The following DLG2 variants were observed in gnomAD, a reference collection of about 807,000 sequenced individuals.
DLG2 encodes disks large homolog 2.
A neutral mutation model predicts 132.5 loss-of-function variants in DLG2; 45 were observed. That is an observed-to-expected ratio of 0.34 (90% CI 0.27 to 0.44). The LOEUF (loss-of-function observed/expected upper bound fraction) is 0.44. Ranked by LOEUF, DLG2 falls within the 20% of genes least tolerant of loss-of-function variation. DLG2 has a pLI of 1.00. For synonymous variants in DLG2, 424 were observed against 419.6 expected, an observed-to-expected ratio of 1.01 and a Z score of -0.13; for missense variants, 1,045 against 1,196.9, an observed-to-expected ratio of 0.87 and a Z score of 1.87.
At chr11:83,771,884 T>C (rs1302997619) in intron 18 of DLG2, among the ~76,000 whole-genome samples, 2 of 152,234 alleles carry the variant, frequency 1.3e-5, no homozygotes, top group Admixed American at 6.5e-5. Flanking sequence ...AAGATGTCTA[T>C]GATATGAAAC....
At chr11:84,787,775 G>A (rs17741077) in intron 6 of DLG2, among the ~76,000 whole-genome samples, 41,621 of 151,786 alleles carry the variant, frequency 0.27, 6,261 homozygotes, top group Middle Eastern at 0.32. Flanking sequence ...TAAACTAGTG[G>A]TTCATACAAA....
intron 8 of DLG2, among the ~76,000 whole-genome samples, chr11:84,196,649 C>T (rs2154295496): frequency 6.6e-6 from 1 of 152,088 alleles, no homozygotes; most frequent in Middle Eastern, 3.4e-3. Flanking sequence ...GTATATGTGC[C>T]AGTATAATTT....
intron 8 of DLG2, among the ~76,000 whole-genome samples, chr11:84,170,319 T>C (rs138538286): frequency 1.4e-3 from 217 of 152,324 alleles, no homozygotes; most frequent in African/African-American, 5.0e-3. Flanking sequence ...AATTAAAACA[T>C]CAATTAAATA....
intron 6 of DLG2, among the ~76,000 whole-genome samples, chr11:84,693,203 A>G (rs1355844018): frequency 2.0e-5 from 3 of 151,848 alleles, no homozygotes; most frequent in Non-Finnish European, 2.9e-5. Flanking sequence ...TGATGTGGAA[A>G]GTAAGACCAC....
rs180789779 is a variant in DLG2 at position 85,153,054 on chromosome 11, C to T, written c.282+1502G>A. On this transcript the variant is annotated intron_variant, in intron 5 of 27. Coordinates refer to ENST00000376104, the MANE Select transcript of DLG2 (RefSeq NM_001142699.3). Reference sequence around the variant, plus strand: ...ACATCTAGAGCATTTACCTATCAATCCTTTCATATATAACTATCCCATTTC... The same window carrying T: ...ACATCTAGAGCATTTACCTATCAATTCTTTCATATATAACTATCCCATTTC... Among the ~76,000 whole-genome samples the T allele has an allele frequency of 1.9e-3, 292 of 152,244 alleles. 1 individual carries two copies. Among genetic ancestry groups the T allele is most frequent in the Non-Finnish European group, 2.8e-3 (188 of 67,996 alleles).
chr11:84,591,673 A>T (rs960650079), intron 6 of DLG2, among the ~76,000 whole-genome samples: 1 of 151,902 alleles, frequency 6.6e-6, no homozygotes, highest in African/African-American at 2.4e-5. Context: ...AAAAATTAAA[A>T]AAATAAAAAT....
rs551075653 is a variant in DLG2 at position 85,459,208 on chromosome 11, G to C, written c.40+139449C>G. 2.0e-5 allele frequency among the ~76,000 whole-genome samples: 3 copies of C among 152,300 alleles called. No individual in the cohort carries two copies. In the East Asian group the frequency reaches 5.8e-4, roughly 29 times the overall value. On this transcript the variant is annotated intron_variant, in intron 3 of 27. Coordinates refer to ENST00000376104, the MANE Select transcript of DLG2 (RefSeq NM_001142699.3). Reference sequence around the variant, plus strand: ...CTACCACTGCAGTGGCAGTAGCAGAGGGCCTTTTGGTTGACTTCAGGAGCT... The same window carrying C: ...CTACCACTGCAGTGGCAGTAGCAGACGGCCTTTTGGTTGACTTCAGGAGCT...
intron 22 of DLG2, among the ~76,000 whole-genome samples, chr11:83,481,171 T>A (rs891400747): frequency 1.3e-5 from 2 of 151,836 alleles, no homozygotes; most frequent in Admixed American, 6.6e-5. Flanking sequence ...ATGTTTTTTT[T>A]AAATTCATGC....
At chr11:85,099,922 G>A (rs910836007) in intron 6 of DLG2, among the ~76,000 whole-genome samples, 4 of 152,082 alleles carry the variant, frequency 2.6e-5, no homozygotes, top group East Asian at 1.9e-4. Flanking sequence ...AATCACTTGC[G>A]CTTCTAAAGG....
chr11:83,514,623 T>A (rs527545471), intron 21 of DLG2, among the ~76,000 whole-genome samples: 22 of 152,334 alleles, frequency 1.4e-4, no homozygotes, highest in African/African-American at 4.6e-4. Context: ...TCAAAGGGAA[T>A]GCTTCCAGTT....
At chr11:85,505,862 G>T (rs1266992561) in intron 3 of DLG2, among the ~76,000 whole-genome samples, 1 of 152,096 alleles carries the variant, frequency 6.6e-6, no homozygotes, top group Non-Finnish European at 1.5e-5. Flanking sequence ...ACTTTTTGTG[G>T]TTGGTAGGCT....
chr11:83,790,279 A>C, intron 17 of DLG2: 1 of 930,610 alleles, frequency 1.1e-6, no homozygotes, highest in Non-Finnish European at 1.8e-6. Flanking sequence ...TTGAGTGCCC[A>C]AGTCTAGTGT....
intron 15 of DLG2, among the ~76,000 whole-genome samples, chr11:83,908,265 T>C (rs908218350): frequency 1.1e-4 from 16 of 152,164 alleles, no homozygotes; most frequent in South Asian, 4.1e-4. Flanking sequence ...AGTTCATAGA[T>C]GCCTTCTCAT....
intron 18 of DLG2, among the ~76,000 whole-genome samples, chr11:83,663,153 A>T (rs2074747131): frequency 6.6e-6 from 1 of 152,236 alleles, no homozygotes; most frequent in Admixed American, 6.5e-5. Context: ...ATAATTGAGT[A>T]AACAACCCAT....
chr11:84,255,153 T>C (rs2097446584), intron 7 of DLG2, among the ~76,000 whole-genome samples: 1 of 152,174 alleles, frequency 6.6e-6, no homozygotes. Context: ...CAAATCTTCC[T>C]TTAGCTCATC....
intron 9 of DLG2, among the ~76,000 whole-genome samples, chr11:84,142,030 A>C (rs1210498761): frequency 7.2e-5 from 11 of 152,172 alleles, no homozygotes; most frequent in African/African-American, 2.6e-4. Flanking sequence ...CTGGCCGGGC[A>C]TGATGGCTCA....
intron 4 of DLG2, among the ~76,000 whole-genome samples, chr11:85,200,563 A>C (rs2081386078): frequency 1.3e-5 from 2 of 152,068 alleles, no homozygotes; most frequent in Admixed American, 1.3e-4. Flanking sequence ...GAACTACCCC[A>C]TCTATGCAGG....
At chr11:83,865,538 T>C (rs2062176515) in intron 16 of DLG2, among the ~76,000 whole-genome samples, 1 of 149,254 alleles carries the variant, frequency 6.7e-6, no homozygotes, top group African/African-American at 2.5e-5. Context: ...GAGGAGAAAG[T>C]TTCTGTAGAG....
chr11:84,753,518 T>C (rs1416822895), intron 6 of DLG2, among the ~76,000 whole-genome samples: 1 of 152,214 alleles, frequency 6.6e-6, no homozygotes. Flanking sequence ...GATTAATTTA[T>C]GTTTTTGGCC....
Sources: allele counts gnomAD v4.1 joint callset (sites outside exome capture counted in the v4.1 genomes callset), GRCh38; gene constraint gnomAD v4.1.1; transcripts MANE v1.5; gene names NCBI Gene and HGNC (gene_info 2026-07-23, HGNC 2026-07-21).